The following GRIN2A variants were observed in gnomAD, a reference collection of about 807,000 sequenced individuals.
GRIN2A encodes glutamate receptor ionotropic, NMDA 2A.
Under a neutral mutation model 113.4 loss-of-function variants are expected in GRIN2A, and 22 were observed. The ratio of observed to expected loss-of-function variants is 0.19; its 90% CI spans 0.14 to 0.28. The LOEUF is 0.28. Ranked by LOEUF, GRIN2A falls within the 10% of genes least tolerant of loss-of-function variation. GRIN2A has a pLI of 1.00. For synonymous variants in GRIN2A, 827 were observed against 738.4 expected, an observed-to-expected ratio of 1.12 and a Z score of -1.94; for missense variants, 1,502 against 1,887.0, an observed-to-expected ratio of 0.80 and a Z score of 3.78.
chr16:9,786,392 G>A (rs558916173), intron 11 of GRIN2A, among the ~76,000 whole-genome samples: 2 of 152,288 alleles, frequency 1.3e-5, no homozygotes, highest in East Asian at 3.9e-4. Flanking sequence ...TGCTCCCACG[G>A]TGCTGGGGCC....
intron 2 of GRIN2A, among the ~76,000 whole-genome samples, chr16:10,009,161 C>A (rs1465384003): frequency 6.6e-6 from 1 of 152,120 alleles, no homozygotes; most frequent in African/African-American, 2.4e-5. Context: ...AAGGCTTAGC[C>A]AAATACATAC....
rs908023827 is a variant in GRIN2A, at chr16:9,891,028, C to A, written c.1080G>T (p.Arg360Ser). 2 of 1,613,306 alleles carry A rather than the reference C, an allele frequency of 1.2e-6. No homozygotes were observed. The highest frequency in any genetic ancestry group is 1.3e-5 in the African/African-American group (1 of 75,028). The change falls in exon 4 of 13, where the codon AGG becomes AGT. Residue 360 changes from arginine to serine, a missense_variant. Arg to Ser is a moderately radical substitution (Grantham distance 110). Around this residue, in one of 7 missense-constraint regions of GRIN2A, gnomAD observed 334 missense variants for 403.0 expected, o/e 0.83. Transcript: ENST00000330684. Reference sequence around the variant, plus strand: ...CTTTGTTCAGCACAATCACCACCAGCCTGGGGTGCACCTGGTAGCCTTCCT... The same window carrying A: ...CTTTGTTCAGCACAATCACCACCAGACTGGGGTGCACCTGGTAGCCTTCCT... ...FTEEGYQVHP[R>S]LVVIVLNKDR... is the part of the protein sequence containing the mutation.
At chr16:9,797,101 C>A (rs2267792) in intron 11 of GRIN2A, among the ~76,000 whole-genome samples, 49,020 of 152,152 alleles carry the variant, frequency 0.32, 8,009 homozygotes, top group African/African-American at 0.37. Flanking sequence ...TAACCCTATG[C>A]ACTAGCTAAC....
At chr16:9,988,779 C>CT (rs2046037879) in intron 2 of GRIN2A, among the ~76,000 whole-genome samples, 1 of 152,092 alleles carries the variant, frequency 6.6e-6, no homozygotes, top group Non-Finnish European at 1.5e-5. Flanking sequence ...TCAAATAAGA[C>CT]TAACTATCGG....
chr16:9,801,730 G>C (rs1464153184), intron 10 of GRIN2A, among the ~76,000 whole-genome samples: 1 of 152,230 alleles, frequency 6.6e-6, no homozygotes, highest in Non-Finnish European at 1.5e-5. Context: ...TCTGACCAAA[G>C]CAGTTACACA....
intron 2 of GRIN2A, among the ~76,000 whole-genome samples, chr16:10,122,797 G>A (rs758315773): frequency 6.6e-6 from 1 of 152,024 alleles, no homozygotes; most frequent in Admixed American, 6.6e-5. Flanking sequence ...AAAATGAGGC[G>A]ACTCGGAAAT....
At chr16:10,096,139 G>C (rs2048284760) in intron 2 of GRIN2A, among the ~76,000 whole-genome samples, 1 of 152,120 alleles carries the variant, frequency 6.6e-6, no homozygotes, top group Non-Finnish European at 1.5e-5. Flanking sequence ...CAGATTCACT[G>C]GGGGTTTAGG....
intron 2 of GRIN2A, among the ~76,000 whole-genome samples, chr16:10,073,112 C>T (rs531159917): frequency 6.6e-6 from 1 of 152,058 alleles, no homozygotes; most frequent in South Asian, 2.1e-4. Context: ...CCCACCGCCA[C>T]GTCTGGCTAG....
At chr16:10,016,365 T>C (rs2046611591) in intron 2 of GRIN2A, among the ~76,000 whole-genome samples, 5 of 151,268 alleles carry the variant, frequency 3.3e-5, no homozygotes, top group Admixed American at 2.6e-4. Flanking sequence ...TCAAACAAGA[T>C]GGGGTCAGAT....
intron 2 of GRIN2A, among the ~76,000 whole-genome samples, chr16:10,104,984 TA>T (rs2048469013): frequency 6.6e-6 from 1 of 152,158 alleles, no homozygotes; most frequent in African/African-American, 2.4e-5. Context: ...AGGCATAAAA[TA>T]AAAGAAGCCT....
chr16:9,924,495 A>C (rs189883519), intron 3 of GRIN2A, among the ~76,000 whole-genome samples: 2 of 152,294 alleles, frequency 1.3e-5, no homozygotes, highest in Admixed American at 1.3e-4. Flanking sequence ...TTTAGCTGAT[A>C]TATCTTTAAA....
In GRIN2A at chr16:9,753,726, A is replaced by G. The variant is rs1240371995; in HGVS notation, c.*9423T>C. On this transcript the variant is annotated 3_prime_UTR_variant, in exon 13 of 13. Coordinates refer to ENST00000330684, the MANE Select transcript of GRIN2A (RefSeq NM_001134407.3). ...GCACTTCCTCATGCAGTGGATTAAA[A>G]CATGACAGATATAAACTGCTGCAGT... The G allele has an allele frequency of 5.2e-6, 1 of 191,802 alleles. No individual in the cohort carries two copies. Among genetic ancestry groups the G allele is most frequent in the Non-Finnish European group, 1.1e-5 (1 of 91,640 alleles). 11.9% of individuals were successfully genotyped at this position (191,802 alleles called of 1,614,324 possible). A position where few individuals can be genotyped will look rare whatever the true frequency, so the allele number is the denominator to read the frequency against.
At chr16:10,152,513 C>T (rs2049603284) in intron 2 of GRIN2A, among the ~76,000 whole-genome samples, 1 of 152,136 alleles carries the variant, frequency 6.6e-6, no homozygotes, top group East Asian at 1.9e-4. Flanking sequence ...AGTCCGTTTT[C>T]CCCCCAACCA....
At chr16:9,884,816 C>G (rs2043556895) in intron 4 of GRIN2A, among the ~76,000 whole-genome samples, 1 of 142,390 alleles carries the variant, frequency 7.0e-6, no homozygotes, top group African/African-American at 2.6e-5. Flanking sequence ...GTGGTGTGAT[C>G]TGGGTTCACT....
chr16:9,813,052 C>G (rs1371775000), intron 10 of GRIN2A, among the ~76,000 whole-genome samples: 1 of 152,244 alleles, frequency 6.6e-6, no homozygotes, highest in African/African-American at 2.4e-5. Flanking sequence ...AGGGATGCTA[C>G]AGGACGACAT....
chr16:9,857,517 G>A (rs1438751514), intron 4 of GRIN2A, among the ~76,000 whole-genome samples: 1 of 152,154 alleles, frequency 6.6e-6, no homozygotes. Context: ...TATGTTCTCA[G>A]ACACAGAGTA....
chr16:10,024,010 AATGACTCATCCGAGGTCAT>A (rs1342927255), intron 2 of GRIN2A, among the ~76,000 whole-genome samples: 1 of 152,194 alleles, frequency 6.6e-6, no homozygotes, highest in Middle Eastern at 3.2e-3. Context: ...AGAGAGGTTA[AATGACTCATCCGAGGTCAT>A]ATAGCTTGTC....
At position 9,755,951 on chromosome 16, in the gene GRIN2A, T is replaced by C. The variant is rs1772665395; in HGVS notation, c.*7198A>G. The C allele has an allele frequency of 4.6e-6, 1 of 217,648 alleles. No individual in the cohort carries two copies. Among genetic ancestry groups the C allele is most frequent in the East Asian group, 6.7e-5 (1 of 14,916 alleles). 13.5% of individuals were successfully genotyped at this position (217,648 alleles called of 1,614,324 possible). A position where few individuals can be genotyped will look rare whatever the true frequency, so the allele number is the denominator to read the frequency against. On this transcript the variant is annotated 3_prime_UTR_variant, in exon 13 of 13. Transcript: ENST00000330684. The stretch of plus-strand genomic sequence containing the variant: ...GACTACCAAAGCTCTCCATCATTCA[T>C]GCAGAAACTCTATTTCCTATTCCCT...
intron 3 of GRIN2A, among the ~76,000 whole-genome samples, chr16:9,914,855 G>A (rs2044211074): frequency 7.8e-6 from 1 of 127,710 alleles, no homozygotes; most frequent in African/African-American, 2.9e-5. Context: ...TTCCCCACAT[G>A]TGGGAAGGGG....
Sources: gnomAD v4.1 joint callset for allele counts (sites outside exome capture counted in the v4.1 genomes callset) on GRCh38, gnomAD v4.1.1 for gene constraint, gnomAD v4.1.1 regional missense constraint, MANE v1.5 for transcripts, NCBI Gene and HGNC (gene_info 2026-07-23, HGNC 2026-07-21) for gene names.